LHFPL3: variants seen among roughly 807,000 people sequenced by gnomAD.
LHFPL3 encodes the protein LHFPL tetraspan subfamily member 3, also known as LHFPL tetraspan subfamily member 3 protein.
LHFPL3 carries 5 observed loss-of-function variants against 19.3 expected under a neutral mutation model. The ratio of observed to expected loss-of-function variants is 0.26; its 90% confidence interval spans 0.14 to 0.54. LHFPL3 has a LOEUF of 0.54. Ranked by LOEUF, LHFPL3 falls within the 20% of genes least tolerant of loss-of-function variation. LHFPL3 has a pLI of 0.94. For synonymous variants in LHFPL3, 133 were observed against 126.2 expected (o/e 1.05, Z -0.36); for missense variants, 249 against 307.4 (o/e 0.81, Z 1.42).
chr7:104,880,977 TGGCTAACACAATGAA>T (rs1345370762), intron 2 of LHFPL3, among the ~76,000 whole-genome samples: 1 of 152,102 alleles, frequency 6.6e-6, no homozygotes, highest in Non-Finnish European at 1.5e-5. Context: ...AAGACCTTCC[TGGCTAACACAATGAA>T]ACCCCATCTC....
At chr7:104,624,366 G>C (rs1386495888) in intron 1 of LHFPL3, among the ~76,000 whole-genome samples, 2 of 152,214 alleles carry the variant, frequency 1.3e-5, no homozygotes, top group African/African-American at 4.8e-5. Context: ...AGGACATGTT[G>C]AGAATCAGAA....
chr7:104,727,322 A>C (rs191907813), intron 1 of LHFPL3, among the ~76,000 whole-genome samples: 37 of 152,136 alleles, frequency 2.4e-4, no homozygotes, highest in Non-Finnish European at 5.1e-4. Context: ...GAAGCTCTTT[A>C]GTTTAATTAA....
At chr7:104,412,196 T>C (rs1791546231) in intron 1 of LHFPL3, among the ~76,000 whole-genome samples, 1 of 152,244 alleles carries the variant, frequency 6.6e-6, no homozygotes, top group African/African-American at 2.4e-5. Context: ...CCTTTAAGTA[T>C]ACCGTATTGT....
At chr7:104,861,231 C>T (rs1375323477) in intron 2 of LHFPL3, among the ~76,000 whole-genome samples, 1 of 152,098 alleles carries the variant, frequency 6.6e-6, no homozygotes, top group Non-Finnish European at 1.5e-5. Flanking sequence ...ATTTTGCCCC[C>T]CTAAGAGGAC....
At chr7:104,668,427 C>T (rs551084327) in intron 1 of LHFPL3, 3 of 1,606,086 alleles carry the variant, frequency 1.9e-6, no homozygotes, top group Non-Finnish European at 2.6e-6. Context: ...GTATCGAGAT[C>T]GTTATGATTC....
intron 1 of LHFPL3, among the ~76,000 whole-genome samples, chr7:104,435,922 G>A (rs759763851): frequency 3.3e-5 from 5 of 151,972 alleles, no homozygotes; most frequent in Non-Finnish European, 5.9e-5. Context: ...AAGGGAAATG[G>A]CAAAGGTATA....
chr7:104,526,134 T>G (rs1794184601), intron 1 of LHFPL3, among the ~76,000 whole-genome samples: 1 of 152,146 alleles, frequency 6.6e-6, no homozygotes, highest in African/African-American at 2.4e-5. Flanking sequence ...TGATTTGAGT[T>G]TCTCACCCCT....
intron 1 of LHFPL3, among the ~76,000 whole-genome samples, chr7:104,475,770 A>G (rs1210215074): frequency 6.6e-6 from 1 of 152,240 alleles, no homozygotes; most frequent in Non-Finnish European, 1.5e-5. Flanking sequence ...CAGTAGTAAC[A>G]AATTTGGACA....
chr7:104,392,598 T>C lies in LHFPL3; in HGVS notation c.445+63374T>C, dbSNP rs1379497830. ...CTGGATTTGGTTTGCCAGTATTTTA[T>C]TGGGGATTTTTGCATCAATGTTCAT... On this transcript the variant is annotated intron_variant, in intron 1 of 2. Coordinates refer to ENST00000424859, the MANE Select transcript of LHFPL3 (RefSeq NM_199000.3). 3.9e-5 allele frequency among the ~76,000 whole-genome samples: 6 copies of C among 152,214 alleles called. No individual in the cohort carries two copies. In the East Asian group the frequency reaches 5.8e-4, roughly 15 times the overall value.
chr7:104,472,182 A>AAAC (rs1485306566), intron 1 of LHFPL3, among the ~76,000 whole-genome samples: 2 of 151,888 alleles, frequency 1.3e-5, no homozygotes. Flanking sequence ...ATCTCAAAAA[A>AAAC]AAAAAAAAAT....
chr7:104,833,032 T>TATATATATATTATATATAATAG lies in LHFPL3; in HGVS notation c.683-73145_683-73144insTATATATAATAGATATATATAT, dbSNP rs1790995056. Among the ~76,000 whole-genome samples the TATATATATATTATATATAATAG allele has an allele frequency of 6.2e-3, 6 of 964 alleles. 2 individuals are homozygous for TATATATATATTATATATAATAG. The highest frequency in any genetic ancestry group is 0.02 in the Non-Finnish European group (5 of 256). The allele number at this position is 964 out of a possible 152,430, so 0.6% of individuals were successfully genotyped here. Reference sequence around the variant, plus strand: ...TATATATTATATATAATAGATATATTATATATATATATTATATATATATTA... The same window carrying TATATATATATTATATATAATAG: ...TATATATTATATATAATAGATATATTATATATATATTATATATAATAGATATATATATATTATATATATATTA... On this transcript the variant is annotated intron_variant, in intron 2 of 2. Transcript: ENST00000424859.
intron 1 of LHFPL3, among the ~76,000 whole-genome samples, chr7:104,514,192 CTCTT>C (rs544646703): frequency 1.1e-3 from 173 of 152,234 alleles, no homozygotes; most frequent in African/African-American, 4.1e-3. Flanking sequence ...AGCTCTCTCT[CTCTT>C]TCTTTGTCTC....
At chr7:104,548,628 C>T (rs35940211) in intron 1 of LHFPL3, among the ~76,000 whole-genome samples, 13,776 of 152,136 alleles carry the variant, frequency 0.091, 902 homozygotes, top group African/African-American at 0.18. Flanking sequence ...AATACGTTCT[C>T]TAAATACACC....
intron 1 of LHFPL3, among the ~76,000 whole-genome samples, chr7:104,709,208 ATTTTTATT>A (rs1055078322): frequency 6.8e-6 from 1 of 146,456 alleles, no homozygotes. Context: ...CCACAATTTC[ATTTTTATT>A]TTTTTATTTT....
chr7:104,577,970 A>G (rs1406272973), intron 1 of LHFPL3, among the ~76,000 whole-genome samples: 1 of 152,248 alleles, frequency 6.6e-6, no homozygotes, highest in Admixed American at 6.5e-5. Flanking sequence ...AGAACAAAAA[A>G]GAAATTCTAG....
At chr7:104,519,340 A>G (rs1213816408) in intron 1 of LHFPL3, among the ~76,000 whole-genome samples, 1 of 152,138 alleles carries the variant, frequency 6.6e-6, no homozygotes, top group African/African-American at 2.4e-5. Flanking sequence ...CTGTGAGGAG[A>G]GCCTAGAAAG....
At chr7:104,468,889 G>A (rs958416064) in intron 1 of LHFPL3, among the ~76,000 whole-genome samples, 1 of 152,094 alleles carries the variant, frequency 6.6e-6, no homozygotes, top group African/African-American at 2.4e-5. Flanking sequence ...TTGAACTCCT[G>A]ACCTCATGAT....
At chr7:104,840,946 T>C (rs1049997832) in intron 2 of LHFPL3, among the ~76,000 whole-genome samples, 5 of 152,176 alleles carry the variant, frequency 3.3e-5, no homozygotes, top group Non-Finnish European at 5.9e-5. Flanking sequence ...AGTAAGCTTA[T>C]GAAATGAAAT....
chr7:104,531,539 T>A (rs912337190), intron 1 of LHFPL3, among the ~76,000 whole-genome samples: 1 of 152,120 alleles, frequency 6.6e-6, no homozygotes, highest in Non-Finnish European at 1.5e-5. Flanking sequence ...TCTTTTACTG[T>A]TCCTGGAACC....
Sources: allele counts gnomAD v4.1 joint callset (sites outside exome capture counted in the v4.1 genomes callset), GRCh38; gene constraint gnomAD v4.1.1; transcripts MANE v1.5; gene names NCBI Gene and HGNC (gene_info 2026-07-23, HGNC 2026-07-21).